Variants in OGFRL1 observed in about 807,000 individuals in gnomAD.
OGFRL1 encodes opioid growth factor receptor-like protein 1.
A neutral mutation model predicts 32.4 loss-of-function variants in OGFRL1; 26 were observed. That is an observed-to-expected ratio of 0.80 (90% CI 0.59 to 1.11). OGFRL1 has a LOEUF of 1.11. Ranked by LOEUF, OGFRL1 falls within the 50% of genes most tolerant of loss-of-function variation. OGFRL1 has a pLI of 0.00. For missense variants in OGFRL1, 521 were observed against 546.4 expected, an observed-to-expected ratio of 0.95 and a Z score of 0.46; for synonymous variants, 211 against 201.2, an observed-to-expected ratio of 1.05 and a Z score of -0.41.
In OGFRL1 at chr6:71,288,981, C is replaced by T. The variant is rs1208689010; in HGVS notation, c.45C>T (p.Thr15=). The part of the protein sequence containing the change: ...LGGVSFREPT[T]VEDCDSTWQT... ...GGGTCAGCTTCCGCGAGCCCACCAC[C>T]GTGGAGGACTGCGACTCCACCTGGC... Residue 15 remains threonine, a synonymous_variant, in exon 1 of 7, where the codon ACC becomes ACT. Transcript: ENST00000370435. 7.2e-7 allele frequency: 1 copy of T among 1,393,406 alleles called. No homozygotes were observed. The highest frequency in any genetic ancestry group is 9.5e-7 in the Non-Finnish European group (1 of 1,057,986). 86.3% of individuals were successfully genotyped at this position (1,393,406 alleles called of 1,614,324 possible). A position where few individuals can be genotyped will look rare whatever the true frequency, so the allele number is the denominator to read the frequency against.
At position 71,301,629 on chromosome 6, in the gene OGFRL1, G is replaced by T; in HGVS notation, c.936G>T (p.Trp312Cys). Residue 312 changes from tryptophan to cysteine, a missense_variant, in exon 7 of 7, where the codon TGG becomes TGT. Trp to Cys is a radical substitution (Grantham distance 215). Transcript: ENST00000370435. ...KHYTPSENFI[W>C]GPPRKEQSEG... Reference sequence around the variant, plus strand: ...ACACGCCTTCAGAGAACTTTATCTGGGGACCGCCTCGAAAAGAACAGTCGG... The same window carrying T: ...ACACGCCTTCAGAGAACTTTATCTGTGGACCGCCTCGAAAAGAACAGTCGG... 2.5e-6 allele frequency: 4 copies of T among 1,614,132 alleles called. No individual in the cohort carries two copies. Among genetic ancestry groups the T allele is most frequent in the Non-Finnish European group, 3.4e-6 (4 of 1,180,026 alleles).
Position 71,309,054 on chromosome 6 carries a change from A to G in OGFRL1, c.*7005A>G, listed in dbSNP as rs1256235365. On this transcript the variant is annotated 3_prime_UTR_variant, in exon 7 of 7. Coordinates refer to ENST00000370435, the MANE Select transcript of OGFRL1 (RefSeq NM_024576.5). Reference sequence around the variant, plus strand: ...CAAAAATAAATATTGTGAAGGGTGAATCATATATATGAAGTTATTTTTATT... The same window carrying G: ...CAAAAATAAATATTGTGAAGGGTGAGTCATATATATGAAGTTATTTTTATT... The G allele has an allele frequency of 6.6e-6, 1 of 152,202 alleles. No individual in the cohort carries two copies. The highest frequency in any genetic ancestry group is 2.4e-5 in the African/African-American group (1 of 41,464). The allele number at this position is 152,202 out of a possible 1,614,324, so 9.4% of individuals were successfully genotyped here.
chr6:71,294,568 C>T (rs892014450), intron 3 of OGFRL1, among the ~76,000 whole-genome samples: 1 of 152,148 alleles, frequency 6.6e-6, no homozygotes, highest in Non-Finnish European at 1.5e-5. Flanking sequence ...GTACTGTGTA[C>T]CAACAGACCT....
rs774660399 is a variant in OGFRL1, at chr6:71,301,892, C to G, written c.1199C>G (p.Ala400Gly). 5 of 1,614,004 alleles carry G rather than the reference C, an allele frequency of 3.1e-6. No individual in the cohort carries two copies. Among genetic ancestry groups the G allele is most frequent in the Non-Finnish European group, 4.2e-6 (5 of 1,179,992 alleles). The change falls in exon 7 of 7, where the codon GCT becomes GGT. Residue 400 changes from alanine (A) to glycine (G), a missense_variant. Transcript: ENST00000370435. Reference sequence around the variant, plus strand: ...AGAAATACAGAGAAGGACAGTAATGCTGAGAACATGAATTCTCAACCTGAG... The same window carrying G: ...AGAAATACAGAGAAGGACAGTAATGGTGAGAACATGAATTCTCAACCTGAG... ...KPRNTEKDSNAENMNSQPEKT... is the reference protein window; with the variant it reads ...KPRNTEKDSNGENMNSQPEKT...
intron 1 of OGFRL1, chr6:71,292,046 A>G (rs1308857126): frequency 6.6e-6 from 1 of 152,218 alleles, no homozygotes; most frequent in Non-Finnish European, 1.5e-5. Flanking sequence ...CAAATGAAAT[A>G]ATGCCTTTTG....
At position 71,303,779 on chromosome 6, in the gene OGFRL1, C is replaced by T. The variant is rs1766468351; in HGVS notation, c.*1730C>T. On this transcript the variant is annotated 3_prime_UTR_variant, in exon 7 of 7. Transcript: ENST00000370435. ...AGTAAGCACTTAATAGGTTACATAG[C>T]ACTGGTTAAGAACAATTAATTTTGT... is the stretch of plus-strand genomic sequence containing the variant. The T allele has an allele frequency of 6.6e-6, 1 of 152,092 alleles. No homozygotes were observed. Among genetic ancestry groups the T allele is most frequent in the South Asian group, 2.1e-4 (1 of 4,832 alleles). 9.4% of individuals were successfully genotyped at this position (152,092 alleles called of 1,614,324 possible). A position where few individuals can be genotyped will look rare whatever the true frequency, so the allele number is the denominator to read the frequency against.
rs1352007534 is a variant in OGFRL1, at chr6:71,308,896, G to C, written c.*6847G>C. On this transcript the variant is annotated 3_prime_UTR_variant, in exon 7 of 7. Coordinates refer to ENST00000370435, the MANE Select transcript of OGFRL1 (RefSeq NM_024576.5). The stretch of plus-strand genomic sequence containing the variant: ...TAGATAACATTTTAGCATTGTGCTA[G>C]AGTACATTATGGTGATTTTGCACGA... The C allele has an allele frequency of 1.3e-5, 2 of 152,108 alleles. No individual in the cohort carries two copies. Among genetic ancestry groups the C allele is most frequent in the East Asian group, 1.9e-4 (1 of 5,192 alleles). The allele number at this position is 152,108 out of a possible 1,614,324, so 9.4% of individuals were successfully genotyped here. A position where few individuals can be genotyped will look rare whatever the true frequency, so the allele number is the denominator to read the frequency against.
rs978639625 is a variant in OGFRL1 at position 71,299,258 on chromosome 6, T to C, written c.693-2128T>C. 1.5e-4 allele frequency among the ~76,000 whole-genome samples: 23 copies of C among 152,188 alleles called. 1 individual carries two copies. The highest frequency in any genetic ancestry group is 1.5e-3 in the Admixed American group (23 of 15,268). ...TCTGTCTGGAACCTCAGCTTCTTTC[T>C]TTTTCCTATAGTGTAACCCTAAGAT... On this transcript the variant is annotated intron_variant, in intron 6 of 6. Transcript: ENST00000370435.
intron 6 of OGFRL1, among the ~76,000 whole-genome samples, chr6:71,299,668 G>GT (rs1766323111): frequency 6.6e-6 from 1 of 152,072 alleles, no homozygotes; most frequent in Non-Finnish European, 1.5e-5. Context: ...TTGCCCAAGG[G>GT]TTTTGTCAGT....
chr6:71,289,736 A>G, intron 1 of OGFRL1: 1 of 985,234 alleles, frequency 1.0e-6, no homozygotes. Context: ...GGCATTCTTC[A>G]CGAATCTTAT....
intron 4 of OGFRL1, 30 bp downstream of exon 4, chr6:71,296,425 TG>T: frequency 6.2e-7 from 1 of 1,600,458 alleles, no homozygotes; most frequent in Non-Finnish European, 8.5e-7. Context: ...TCTTGAACCA[TG>T]TCCTATTTAA....
At position 71,296,750 on chromosome 6, in the gene OGFRL1, C is replaced by G. The variant is rs1297663373; in HGVS notation, c.625C>G (p.Leu209Val). The change falls in exon 6 of 7, where the codon CTG becomes GTG. Residue 209 changes from leucine (L) to valine (V), a missense_variant. Physicochemically the swap from Leu to Val is conservative, Grantham distance 32 (BLOSUM62 1). Coordinates refer to ENST00000370435, the MANE Select transcript of OGFRL1 (RefSeq NM_024576.5). ...KMMLEFFGIK[L>V]TDKTGNVARA... ...GATGCTAGAATTTTTTGGAATAAAACTGACTGATAAAACTGGAAATGTTGC... is the reference window on the plus strand; with the variant it reads ...GATGCTAGAATTTTTTGGAATAAAAGTGACTGATAAAACTGGAAATGTTGC... The G allele has an allele frequency of 6.2e-7, 1 of 1,613,620 alleles. No homozygotes were observed. The highest frequency in any genetic ancestry group is 1.1e-5 in the South Asian group (1 of 91,058).
Position 71,303,122 on chromosome 6 carries a change from A to C in OGFRL1, c.*1073A>C, listed in dbSNP as rs1240472631. The C allele has an allele frequency of 2.0e-5, 3 of 152,228 alleles. No individual in the cohort carries two copies. Among genetic ancestry groups the C allele is most frequent in the Non-Finnish European group, 4.4e-5 (3 of 68,044 alleles). 9.4% of individuals were successfully genotyped at this position (152,228 alleles called of 1,614,324 possible). ...GGTTACATCTCTACTAAATATGTGCAGTCCTTTTATTTGTCATTATTCTCT... is the reference window on the plus strand; with the variant it reads ...GGTTACATCTCTACTAAATATGTGCCGTCCTTTTATTTGTCATTATTCTCT... On this transcript the variant is annotated 3_prime_UTR_variant, in exon 7 of 7. Coordinates refer to ENST00000370435, the MANE Select transcript of OGFRL1 (RefSeq NM_024576.5).
chr6:71,289,076 C>A lies in OGFRL1; in HGVS notation c.140C>A (p.Ser47Tyr), dbSNP rs1765951744. ...GGGSEGPGQE[S>Y]EQPAQPPEQA... ...GGCAGCGAGGGCCCGGGGCAGGAGT[C>A]CGAGCAGCCCGCGCAGCCCCCGGAG... Residue 47 changes from serine to tyrosine, a missense_variant, in exon 1 of 7, where the codon TCC becomes TAC. Coordinates refer to ENST00000370435, the MANE Select transcript of OGFRL1 (RefSeq NM_024576.5). 4.3e-6 allele frequency: 5 copies of A among 1,172,144 alleles called. No homozygotes were observed. Among genetic ancestry groups the A allele is most frequent in the Non-Finnish European group, 3.2e-6 (3 of 944,166 alleles). The allele number at this position is 1,172,144 out of a possible 1,614,324, so 72.6% of individuals were successfully genotyped here.
chr6:71,295,456 A>T (rs1424204323), intron 3 of OGFRL1: 1 of 152,236 alleles, frequency 6.6e-6, no homozygotes, highest in Non-Finnish European at 1.5e-5. Flanking sequence ...ACCTTGACAG[A>T]CTTAGGAACA....
intron 6 of OGFRL1, among the ~76,000 whole-genome samples, chr6:71,300,348 T>C (rs1484889145): frequency 6.6e-6 from 1 of 152,224 alleles, no homozygotes; most frequent in Non-Finnish European, 1.5e-5. Flanking sequence ...AGTTACATTA[T>C]GAATTGTGAC....
In OGFRL1 at chr6:71,306,971, A is replaced by C. The variant is rs1766569776; in HGVS notation, c.*4922A>C. The C allele has an allele frequency of 1.3e-5, 2 of 152,226 alleles. No homozygotes were observed. The highest frequency in any genetic ancestry group is 1.3e-4 in the Admixed American group (2 of 15,272). 9.4% of individuals were successfully genotyped at this position (152,226 alleles called of 1,614,324 possible). A position where few individuals can be genotyped will look rare whatever the true frequency, so the allele number is the denominator to read the frequency against. On this transcript the variant is annotated 3_prime_UTR_variant, in exon 7 of 7. Coordinates refer to ENST00000370435, the MANE Select transcript of OGFRL1 (RefSeq NM_024576.5). ...CTGTAGTCTCATTAGAATCATTTTA[A>C]AAGCACTGTTCTTGCATTTTTCCTA...
chr6:71,289,213 C>T lies in OGFRL1; in HGVS notation c.234+43C>T, dbSNP rs1582546224. 3 of 1,051,478 alleles carry T rather than the reference C, an allele frequency of 2.9e-6. No individual in the cohort carries two copies. The South Asian group carries it at 1.2e-4, about 43-fold the overall frequency. 65.1% of individuals were successfully genotyped at this position (1,051,478 alleles called of 1,614,324 possible). On this transcript the variant is annotated intron_variant, in intron 1 of 6. Transcript: ENST00000370435. ...GGCCTCGGGTCGGGCTGGGGCGCCC[C>T]GACACCCCAGAGGGGCAAGTGCCAA...
rs202087463 is a variant in OGFRL1, at chr6:71,296,857, T to C, written c.692+40T>C. On this transcript the variant is annotated intron_variant, in intron 6 of 6. Transcript: ENST00000370435. ...TGTGATAAATCAGGGGCCAGCACAG[T>C]TATTTTCCCTTGGTCAGAGTTCTCT... 2.7e-5 allele frequency: 43 copies of C among 1,580,772 alleles called. No homozygotes were observed. In the East Asian group the frequency reaches 9.2e-4, roughly 34 times the overall value.
Sources: allele counts gnomAD v4.1 joint callset (sites outside exome capture counted in the v4.1 genomes callset), GRCh38; gene constraint gnomAD v4.1.1; transcripts MANE v1.5; gene names NCBI Gene and HGNC (gene_info 2026-07-23, HGNC 2026-07-21).